Variants in GRID2 observed in about 807,000 individuals in gnomAD.
GRID2 encodes the protein glutamate receptor ionotropic, delta-2.
A neutral mutation model predicts 114.8 loss-of-function variants in GRID2; 33 were observed. The observed-to-expected ratio is 0.29, with a 90% confidence interval of 0.22 to 0.38. The LOEUF (loss-of-function observed/expected upper bound fraction) is 0.38, where lower values mean the gene tolerates loss of function less well. Among genes scored for constraint, GRID2 ranks in the 10% least tolerant of loss-of-function variants. The probability of loss-of-function intolerance (pLI) is 1.00; values close to 1 mark genes in which losing one functional copy is unlikely to be tolerated. For synonymous variants in GRID2, 505 were observed against 449.9 expected, an observed-to-expected ratio of 1.12 and a Z score of -1.55; for missense variants, 1,184 against 1,257.7, an observed-to-expected ratio of 0.94 and a Z score of 0.89.
chr4:92,775,843 G>A (rs1413889440), intron 2 of GRID2, among the ~76,000 whole-genome samples: 2 of 152,088 alleles, frequency 1.3e-5, no homozygotes, highest in Non-Finnish European at 2.9e-5. Context: ...CATTTCTTAT[G>A]TCAAGGCCCA....
In GRID2 at chr4:93,088,703, A is replaced by G. The variant is rs187795784; in HGVS notation, c.529+3424A>G. ...AAAAATAATATCTCTGAGCATTTTA[A>G]TTTGTCAGACACTAGAATGAGATAT... On this transcript the variant is annotated intron_variant, in intron 3 of 15. Transcript: ENST00000282020. Among the ~76,000 whole-genome samples the G allele has an allele frequency of 2.6e-5, 4 of 152,240 alleles. No individual in the cohort carries two copies. In the East Asian group the frequency reaches 7.7e-4, roughly 29 times the overall value.
At chr4:92,944,250 T>G (rs1751424307) in intron 2 of GRID2, among the ~76,000 whole-genome samples, 1 of 152,200 alleles carries the variant, frequency 6.6e-6, no homozygotes, top group African/African-American at 2.4e-5. Context: ...CCGCTTTGTT[T>G]ACCTACTCAA....
At chr4:92,998,549 G>C (rs1755342704) in intron 2 of GRID2, among the ~76,000 whole-genome samples, 1 of 151,958 alleles carries the variant, frequency 6.6e-6, no homozygotes, top group Admixed American at 6.6e-5. Context: ...TTTATATTCA[G>C]AAGGGAGGAA....
chr4:92,507,118 C>A (rs1724015756), intron 1 of GRID2, among the ~76,000 whole-genome samples: 1 of 151,902 alleles, frequency 6.6e-6, no homozygotes, highest in Non-Finnish European at 1.5e-5. Flanking sequence ...TAATTTATTA[C>A]AATCTGGCTT....
intron 1 of GRID2, among the ~76,000 whole-genome samples, chr4:92,395,506 T>C (rs769751699): frequency 6.6e-6 from 1 of 151,822 alleles, no homozygotes; most frequent in Non-Finnish European, 1.5e-5. Context: ...TAATGGTTTA[T>C]ATAAGAGCAC....
At chr4:93,008,496 CT>C (rs1721795730) in intron 2 of GRID2, among the ~76,000 whole-genome samples, 1 of 151,850 alleles carries the variant, frequency 6.6e-6, no homozygotes, top group Admixed American at 6.6e-5. Flanking sequence ...TTTTCTTTTT[CT>C]TTTCAAAATG....
intron 1 of GRID2, among the ~76,000 whole-genome samples, chr4:93,796,795 C>T (rs1247927373): frequency 6.6e-6 from 1 of 152,192 alleles, no homozygotes; most frequent in Non-Finnish European, 1.5e-5. Context: ...AGTGATCTAC[C>T]TGCCTTGGCC....
chr4:92,865,522 A>G lies in GRID2; in HGVS notation c.245-219473A>G, dbSNP rs866178904. Among the ~76,000 whole-genome samples, 5 of 152,300 alleles carry G rather than the reference A, an allele frequency of 3.3e-5. 1 individual carries two copies. The Middle Eastern group carries it at 0.01, about 311-fold the overall frequency. The stretch of plus-strand genomic sequence containing the variant: ...CCTTTGTCTATAACTTGCCTAATCT[A>G]TAAATATATGTGTAAAATTTTGTCA... On this transcript the variant is annotated intron_variant, in intron 2 of 15. Coordinates refer to ENST00000282020, the MANE Select transcript of GRID2 (RefSeq NM_001510.4).
chr4:92,311,920 A>G (rs564259693), intron 1 of GRID2, among the ~76,000 whole-genome samples: 14 of 152,194 alleles, frequency 9.2e-5, no homozygotes, highest in African/African-American at 2.9e-4. Flanking sequence ...AGGCAACCAG[A>G]TAAGAAAATA....
chr4:92,961,972 C>T (rs750128782), intron 2 of GRID2, among the ~76,000 whole-genome samples: 6 of 151,716 alleles, frequency 4.0e-5, no homozygotes, highest in Non-Finnish European at 8.8e-5. Flanking sequence ...GAAAGGCATT[C>T]TTTATTACTT....
At chr4:93,723,793 A>G (rs1729599429) in intron 14 of GRID2, among the ~76,000 whole-genome samples, 1 of 152,204 alleles carries the variant, frequency 6.6e-6, no homozygotes, top group African/African-American at 2.4e-5. Flanking sequence ...TAGTTGAGTA[A>G]GACATAAACC....
chr4:93,073,118 T>G (rs1374462739), intron 2 of GRID2, among the ~76,000 whole-genome samples: 1 of 152,140 alleles, frequency 6.6e-6, no homozygotes, highest in East Asian at 1.9e-4. Flanking sequence ...CCAAGTTTAG[T>G]GCAATACTGC....
chr4:93,055,349 C>T (rs774651087), intron 2 of GRID2, among the ~76,000 whole-genome samples: 12 of 151,552 alleles, frequency 7.9e-5, no homozygotes, highest in Non-Finnish European at 8.8e-5. Context: ...ATGTTTCATT[C>T]ATAGGTTCTT....
chr4:93,675,265 T>A (rs1463944790), intron 14 of GRID2, among the ~76,000 whole-genome samples: 1 of 152,156 alleles, frequency 6.6e-6, no homozygotes, highest in African/African-American at 2.4e-5. Context: ...CCAAAGACCT[T>A]GACTTAAATA....
At chr4:93,117,852 C>T (rs147703670) in intron 4 of GRID2, among the ~76,000 whole-genome samples, 1 of 152,186 alleles carries the variant, frequency 6.6e-6, no homozygotes, top group African/African-American at 2.4e-5. Flanking sequence ...ATCAGCAATG[C>T]ATATTAAATA....
At chr4:93,251,886 A>C (rs929457230) in intron 8 of GRID2, among the ~76,000 whole-genome samples, 2 of 152,210 alleles carry the variant, frequency 1.3e-5, no homozygotes, top group African/African-American at 4.8e-5. Flanking sequence ...TATGTACCAC[A>C]TGGGCATTTA....
chr4:93,528,407 G>A (rs1731131966), intron 13 of GRID2, among the ~76,000 whole-genome samples: 1 of 150,760 alleles, frequency 6.6e-6, no homozygotes, highest in Non-Finnish European at 1.5e-5. Flanking sequence ...TAATGCACAA[G>A]AGTTCCATTT....
In GRID2 at chr4:93,214,936, T is replaced by A. The variant is rs147928074; in HGVS notation, c.790-1802T>A. 4.0e-3 allele frequency among the ~76,000 whole-genome samples: 610 copies of A among 152,156 alleles called. 5 individuals carry two copies. Among genetic ancestry groups the A allele is most frequent in the African/African-American group, 0.014 (568 of 41,568 alleles). ...GTATAACTTCTTCAGAGACTGTTTC[T>A]TTTGATGACATTTATAAATTCATCC... On this transcript the variant is annotated intron_variant, in intron 5 of 15. Coordinates refer to ENST00000282020, the MANE Select transcript of GRID2 (RefSeq NM_001510.4).
At chr4:92,692,965 G>GTGAGC (rs2149294411) in intron 2 of GRID2, among the ~76,000 whole-genome samples, 1 of 151,688 alleles carries the variant, frequency 6.6e-6, no homozygotes, top group Non-Finnish European at 1.5e-5. Context: ...AGAGGTGGCA[G>GTGAGC]TGAGCTGAGA....
Sources: allele counts gnomAD v4.1 joint callset (sites outside exome capture counted in the v4.1 genomes callset), GRCh38; gene constraint gnomAD v4.1.1; transcripts MANE v1.5; gene names NCBI Gene and HGNC (gene_info 2026-07-23, HGNC 2026-07-21).